The following TENM1 variants were observed in gnomAD, a reference collection of about 807,000 sequenced individuals.
TENM1 encodes the protein teneurin transmembrane protein 1, also known as teneurin-1.
In TENM1, 35 loss-of-function variants were observed where a neutral mutation model predicts 174.8. The observed-to-expected ratio is 0.20, with a 90% CI of 0.15 to 0.27. The LOEUF is 0.27. Ranked by LOEUF, TENM1 falls within the 10% of genes least tolerant of loss-of-function variation. The pLI is 1.00. For synonymous variants in TENM1, 781 were observed against 798.7 expected (o/e 0.98, Z 0.37); for missense variants, 1,633 against 2,130.1 (o/e 0.77, Z 4.59).
chrX:124,423,254 G>A (rs937066597), intron 23 of TENM1, among the ~76,000 whole-genome samples: 2 of 112,133 alleles, frequency 1.8e-5, no homozygotes, highest in African/African-American at 6.5e-5. Context: ...GGTACAGTTC[G>A]TCAGCTGTTG....
chrX:124,474,973 T>G (rs1444771465), intron 22 of TENM1, among the ~76,000 whole-genome samples: 2 of 111,660 alleles, frequency 1.8e-5, no homozygotes, highest in Non-Finnish European at 3.8e-5. Flanking sequence ...CAAACATGTT[T>G]TTTTCAAGAT....
At chrX:124,424,450 T>C (rs1481576536) in intron 23 of TENM1, among the ~76,000 whole-genome samples, 1 of 112,351 alleles carries the variant, frequency 8.9e-6, no homozygotes. Context: ...GGTAGTTTTA[T>C]ATCCATTAAG....
At chrX:124,900,589 C>G (rs1208288621) in intron 1 of TENM1, among the ~76,000 whole-genome samples, 1 of 111,085 alleles carries the variant, frequency 9.0e-6, no homozygotes, top group East Asian at 2.8e-4. Flanking sequence ...TTGTACACCA[C>G]CAGATATTAA....
intron 3 of TENM1, among the ~76,000 whole-genome samples, chrX:124,831,201 T>G (rs2147330018): frequency 9.0e-6 from 1 of 111,255 alleles, no homozygotes; most frequent in Non-Finnish European, 1.9e-5. Context: ...AAATTTCTTC[T>G]CAGGGCTCAA....
chrX:124,956,845 G>A (rs1006683770), intron 1 of TENM1, among the ~76,000 whole-genome samples: 1 of 112,293 alleles, frequency 8.9e-6, no homozygotes, highest in East Asian at 2.8e-4. Context: ...TGTAAATACA[G>A]ATCCTGAGAT....
intron 3 of TENM1, among the ~76,000 whole-genome samples, chrX:124,748,200 C>T (rs895857161): frequency 5.4e-5 from 6 of 111,169 alleles, no homozygotes; most frequent in Admixed American, 1.9e-4. Flanking sequence ...AAATTCTTGC[C>T]CTGGCAGCAC....
rs9887558 is a variant in TENM1, at chrX:124,962,992, T to C, written c.217+545A>G. Reference sequence around the variant, plus strand: ...TAGAAACTGTCTTGTCAATCCATAATTGAGAAACTAAGACTGCCCAAAGAA... The same window carrying C: ...TAGAAACTGTCTTGTCAATCCATAACTGAGAAACTAAGACTGCCCAAAGAA... On this transcript the variant is annotated intron_variant, in intron 1 of 31. Transcript: ENST00000422452. 7.8e-3 allele frequency among the ~76,000 whole-genome samples: 874 copies of C among 112,252 alleles called. 13 individuals are homozygous for C. Among genetic ancestry groups the C allele is most frequent in the African/African-American group, 0.027 (825 of 30,904 alleles).
At chrX:124,965,644 A>G (rs1464848986), upstream of TENM1, among the ~76,000 whole-genome samples, 9 of 111,430 alleles carry the variant, frequency 8.1e-5, no homozygotes, top group Non-Finnish European at 5.6e-5. Context: ...GGTTTGAACT[A>G]ATATGAGAGA....
At chrX:124,781,269 A>G in intron 3 of TENM1, among the ~76,000 whole-genome samples, 1 of 111,994 alleles carries the variant, frequency 8.9e-6, no homozygotes, top group East Asian at 2.8e-4. Context: ...ATGAAAGAAT[A>G]AAATCCAACT....
In TENM1 at chrX:124,751,868, C is replaced by T. The variant is rs751768703; in HGVS notation, c.536-14671G>A. On this transcript the variant is annotated intron_variant, in intron 3 of 31. Transcript: ENST00000422452. ...AGTATTCCACGGTGAATATGTGCCA[C>T]ATTTACTTAATCCAGTCTATCATTG... 2.7e-5 allele frequency among the ~76,000 whole-genome samples: 3 copies of T among 110,815 alleles called. No individual in the cohort carries two copies. In the South Asian group the frequency reaches 1.2e-3, roughly 43 times the overall value.
intron 28 of TENM1, among the ~76,000 whole-genome samples, chrX:124,387,613 A>G (rs911959336): frequency 1.1e-4 from 12 of 112,578 alleles, no homozygotes; most frequent in African/African-American, 3.9e-4. Flanking sequence ...GTACATTTAT[A>G]TCTTCTAAAT....
chrX:124,481,060 T>C (rs1466546727), intron 22 of TENM1, among the ~76,000 whole-genome samples: 1 of 111,718 alleles, frequency 9.0e-6, no homozygotes, highest in Admixed American at 9.5e-5. Flanking sequence ...CTTTGAAGAC[T>C]GAGAAGTAAA....
upstream of TENM1, among the ~76,000 whole-genome samples, chrX:124,965,741 C>T: frequency 9.0e-6 from 1 of 110,984 alleles, no homozygotes; most frequent in Non-Finnish European, 1.9e-5. Context: ...ACAATCTAAT[C>T]TCACGCCAGT....
chrX:124,662,986 C>G (rs1412634247), intron 6 of TENM1, among the ~76,000 whole-genome samples: 1 of 111,911 alleles, frequency 8.9e-6, no homozygotes, highest in Non-Finnish European at 1.9e-5. Flanking sequence ...TTGGCTGATA[C>G]AGGATTAAAA....
chrX:125,155,695 C>A, the TENM1 span, among the ~76,000 whole-genome samples: 1 of 112,773 alleles, frequency 8.9e-6, no homozygotes, highest in Non-Finnish European at 1.9e-5. Context: ...GGACCCAGCA[C>A]ACCCTCCGCA....
the TENM1 span, among the ~76,000 whole-genome samples, chrX:125,191,336 T>G: frequency 8.9e-6 from 1 of 111,987 alleles, no homozygotes; most frequent in African/African-American, 3.2e-5. Context: ...CTAGGTGATA[T>G]GGATATAGTA....
chrX:124,507,559 C>T (rs968152356), intron 18 of TENM1, among the ~76,000 whole-genome samples: 5 of 111,977 alleles, frequency 4.5e-5, no homozygotes, highest in African/African-American at 1.3e-4. Context: ...AAGATTGTAG[C>T]TTGCTCCTCC....
chrX:124,380,657 C>A lies in TENM1; in HGVS notation c.8078G>T (p.Ser2693Ile), dbSNP rs763179720. ...ATCGTAACCTTGTACCCGCCCAGTG[C>A]TCAAAAGCTGCTGCTTTTCCCCTTC... The change falls in exon 32 of 32, where the codon AGC becomes ATC. Residue 2693 changes from serine to isoleucine, a missense_variant. Coordinates refer to ENST00000422452, the Ensembl canonical transcript of TENM1. 5.8e-6 allele frequency: 7 copies of A among 1,210,098 alleles called. No individual in the cohort carries two copies. The African/African-American group carries it at 1.0e-4, about 18-fold the overall frequency.
intron 1 of TENM1, 64 bp downstream of exon 4, chrX:124,963,473 T>TAGG (rs2058685041): frequency 1.0e-6 from 1 of 1,003,577 alleles, no homozygotes; most frequent in Non-Finnish European, 1.4e-6. Context: ...GAAACAAAGT[T>TAGG]TATGCACACA....
Sources: gnomAD v4.1 joint callset for allele counts (sites outside exome capture counted in the v4.1 genomes callset) on GRCh38, gnomAD v4.1.1 for gene constraint, MANE v1.5 for transcripts, NCBI Gene and HGNC (gene_info 2026-07-23, HGNC 2026-07-21) for gene names.